PDE11A: variants seen among roughly 807,000 people sequenced by gnomAD.
The protein encoded by PDE11A is dual 3',5'-cyclic-AMP and -GMP phosphodiesterase 11A.
A neutral mutation model predicts 100.5 loss-of-function variants in PDE11A; 100 were observed. The ratio of observed to expected loss-of-function variants is 1.00; its 90% CI spans 0.85 to 1.18. The LOEUF is 1.18. PDE11A is among the 50% of genes most tolerant of loss of function. The pLI is 0.00. For missense variants in PDE11A, 1,141 were observed against 1,152.6 expected (o/e 0.99, Z 0.15); for synonymous variants, 381 against 420.8 (o/e 0.91, Z 1.16).
chr2:177,711,268 T>A (rs911372550), intron 13 of PDE11A, among the ~76,000 whole-genome samples: 1 of 152,268 alleles, frequency 6.6e-6, no homozygotes, highest in Non-Finnish European at 1.5e-5. Flanking sequence ...GAGTAGGGAA[T>A]GGGAGGAGCA....
intron 5 of PDE11A, among the ~76,000 whole-genome samples, chr2:177,871,232 G>A (rs1474652722): frequency 6.6e-6 from 1 of 152,012 alleles, no homozygotes; most frequent in Non-Finnish European, 1.5e-5. Context: ...AAAAAATGGG[G>A]TACACTCGGG....
intron 5 of PDE11A, among the ~76,000 whole-genome samples, chr2:177,860,173 A>C (rs1176224859): frequency 6.6e-6 from 1 of 151,586 alleles, no homozygotes; most frequent in Non-Finnish European, 1.5e-5. Flanking sequence ...CAAAACAAAA[A>C]TTTGTTTTTT....
At chr2:177,840,915 A>G (rs2083481596) in intron 5 of PDE11A, among the ~76,000 whole-genome samples, 1 of 152,238 alleles carries the variant, frequency 6.6e-6, no homozygotes, top group Non-Finnish European at 1.5e-5. Context: ...TATTTTGATA[A>G]CATTAATATT....
At chr2:177,785,114 T>C (rs2082513672) in intron 9 of PDE11A, among the ~76,000 whole-genome samples, 1 of 152,234 alleles carries the variant, frequency 6.6e-6, no homozygotes, top group South Asian at 2.1e-4. Flanking sequence ...CTCACAATCC[T>C]GGCTCACTAG....
chr2:177,815,820 T>C (rs2083029105), intron 9 of PDE11A, among the ~76,000 whole-genome samples: 1 of 152,250 alleles, frequency 6.6e-6, no homozygotes, highest in African/African-American at 2.4e-5. Flanking sequence ...TCATGTGTAT[T>C]ATATCATACT....
At chr2:177,703,252 TTAACAACTTAATACATTA>T (rs1327436773) in intron 13 of PDE11A, among the ~76,000 whole-genome samples, 4 of 152,190 alleles carry the variant, frequency 2.6e-5, no homozygotes, top group African/African-American at 9.7e-5. Context: ...AGTCTATATA[TTAACAACTTAATACATTA>T]TAGCATTTAG....
At chr2:177,840,161 T>C in intron 6 of PDE11A, 90 bp downstream of exon 6, 2 of 1,332,368 alleles carry the variant, frequency 1.5e-6, no homozygotes, top group African/African-American at 1.4e-5. Context: ...TGCAAAAGAA[T>C]TGCTGGTAAG....
chr2:177,643,687 G>C (rs2080179235), intron 19 of PDE11A, among the ~76,000 whole-genome samples: 1 of 152,202 alleles, frequency 6.6e-6, no homozygotes, highest in African/African-American at 2.4e-5. Context: ...CAAGACAATG[G>C]GGAAAATGTC....
chr2:177,624,486 G>A lies in PDE11A; in HGVS notation c.*4921C>T, dbSNP rs2079805012. ...CTGTTTAATTACCTAGTGTTAAGTG[G>A]AAAAAGTTATGATAAATTTTGATAC... is the stretch of plus-strand genomic sequence containing the variant. On this transcript the variant is annotated 3_prime_UTR_variant, in exon 20 of 20. Transcript: ENST00000286063. The A allele has an allele frequency of 6.6e-6, 1 of 152,052 alleles. No homozygotes were observed. The highest frequency in any genetic ancestry group is 2.1e-4 in the South Asian group (1 of 4,826). The allele number at this position is 152,052 out of a possible 1,614,324, so 9.4% of individuals were successfully genotyped here.
intron 2 of PDE11A, among the ~76,000 whole-genome samples, chr2:177,924,051 T>C (rs903864866): frequency 1.3e-5 from 2 of 152,198 alleles, no homozygotes; most frequent in Admixed American, 1.3e-4. Context: ...TACTCTAAAG[T>C]GTAATTTATT....
intron 12 of PDE11A, among the ~76,000 whole-genome samples, chr2:177,727,340 A>C (rs1467188602): frequency 6.6e-6 from 1 of 152,102 alleles, no homozygotes; most frequent in Non-Finnish European, 1.5e-5. Flanking sequence ...TCTGTTACTC[A>C]ACTACATTTC....
intron 2 of PDE11A, among the ~76,000 whole-genome samples, chr2:177,939,609 C>G (rs1438087719): frequency 1.3e-5 from 2 of 151,926 alleles, no homozygotes; most frequent in African/African-American, 4.8e-5. Flanking sequence ...AACCAAGACA[C>G]TAGATCCAAC....
intron 5 of PDE11A, among the ~76,000 whole-genome samples, chr2:177,865,813 G>A (rs2084018889): frequency 1.3e-5 from 2 of 152,138 alleles, no homozygotes; most frequent in African/African-American, 4.8e-5. Flanking sequence ...ATCCATTGAG[G>A]CAGAAAGTAG....
chr2:177,897,720 T>C (rs972376259), intron 4 of PDE11A, among the ~76,000 whole-genome samples: 2 of 152,158 alleles, frequency 1.3e-5, no homozygotes, highest in Admixed American at 6.6e-5. Context: ...CATAGGTAAA[T>C]AAAATGTGAG....
intron 12 of PDE11A, among the ~76,000 whole-genome samples, chr2:177,722,861 CT>C (rs35248478): frequency 1.3e-4 from 20 of 152,026 alleles, no homozygotes; most frequent in African/African-American, 4.6e-4. Context: ...CAAGTTACTA[CT>C]TTTTTGATAA....
chr2:178,068,656 T>A (rs2087082836), intron 1 of PDE11A, among the ~76,000 whole-genome samples: 1 of 152,152 alleles, frequency 6.6e-6, no homozygotes, highest in Non-Finnish European at 1.5e-5. Flanking sequence ...GATGCTTGCA[T>A]ATATGGTACA....
Position 177,624,635 on chromosome 2 carries a change from A to G in PDE11A, c.*4772T>C, listed in dbSNP as rs1051309098. ...GCAAATATACAATACCTGGAAATGC[A>G]TAGACATCTCAGATTTTAGAAACAA... On this transcript the variant is annotated 3_prime_UTR_variant, in exon 20 of 20. Transcript: ENST00000286063. 2.6e-5 allele frequency: 4 copies of G among 152,388 alleles called. No individual in the cohort carries two copies. In the South Asian group the frequency reaches 6.2e-4, roughly 24 times the overall value. 9.4% of individuals were successfully genotyped at this position (152,388 alleles called of 1,614,324 possible).
Position 178,072,672 on chromosome 2 carries a change from C to T in PDE11A, c.-235G>A, listed in dbSNP as rs1422284394. 8 of 1,433,936 alleles carry T rather than the reference C, an allele frequency of 5.6e-6. No individual in the cohort carries two copies. Among genetic ancestry groups the T allele is most frequent in the Non-Finnish European group, 7.3e-6 (8 of 1,097,014 alleles). The allele number at this position is 1,433,936 out of a possible 1,614,324, so 88.8% of individuals were successfully genotyped here. A position where few individuals can be genotyped will look rare whatever the true frequency, so the allele number is the denominator to read the frequency against. ...TGCTACTCCTGCTCCGCACAGGTGC[C>T]CAGCACTGAGCTGCCGCCGCTGCCC... On this transcript the variant is annotated 5_prime_UTR_variant, in exon 1 of 20. Transcript: ENST00000286063.
chr2:177,695,464 A>G (rs2081097971), intron 15 of PDE11A, among the ~76,000 whole-genome samples: 1 of 152,202 alleles, frequency 6.6e-6, no homozygotes, highest in African/African-American at 2.4e-5. Context: ...ATTTAAATGT[A>G]ACTGGACTTT....
Sources: gnomAD v4.1 joint callset for allele counts (sites outside exome capture counted in the v4.1 genomes callset) on GRCh38, gnomAD v4.1.1 for gene constraint, MANE v1.5 for transcripts, NCBI Gene and HGNC (gene_info 2026-07-23, HGNC 2026-07-21) for gene names.